HTT: variants seen among roughly 807,000 people sequenced by gnomAD.
The protein encoded by HTT is huntingtin.
A neutral mutation model predicts 362.3 loss-of-function variants in HTT; 104 were observed. The observed-to-expected ratio is 0.29, with a 90% CI of 0.24 to 0.34. HTT has a LOEUF of 0.34. Among genes scored for constraint, HTT ranks in the 10% least tolerant of loss-of-function variants. The pLI, the probability that HTT is intolerant of heterozygous loss-of-function variation, is 1.00. For missense variants in HTT, 3,301 were observed against 3,928.6 expected, an observed-to-expected ratio of 0.84 and a Z score of 4.27; for synonymous variants, 1,577 against 1,548.7, an observed-to-expected ratio of 1.02 and a Z score of -0.43.
chr4:3,198,265 G>T (rs1199566131), intron 40 of HTT, among the ~76,000 whole-genome samples: 1 of 113,606 alleles, frequency 8.8e-6, no homozygotes, highest in African/African-American at 3.5e-5. Flanking sequence ...TCGCTCCATT[G>T]CCCAGGCTAG....
At position 3,095,516 on chromosome 4, in the gene HTT, C is replaced by T. The variant is rs537442266; in HGVS notation, c.348-3758C>T. Among the ~76,000 whole-genome samples the T allele has an allele frequency of 9.2e-5, 14 of 151,906 alleles. No homozygotes were observed. The South Asian group carries it at 1.0e-3, about 11-fold the overall frequency. ...GGCTCGGCATCAGAGGGAGACTGTG[C>T]GAGGGCGAGGGCGAGGGCGAGGGAA... is the stretch of plus-strand genomic sequence containing the variant. On this transcript the variant is annotated intron_variant, in intron 2 of 66. Transcript: ENST00000355072.
intron 40 of HTT, among the ~76,000 whole-genome samples, chr4:3,198,144 T>G (rs1311225354): frequency 6.6e-6 from 1 of 152,078 alleles, no homozygotes; most frequent in Non-Finnish European, 1.5e-5. Flanking sequence ...GTTTAAGGCA[T>G]TGTGGAGCCC....
At chr4:3,085,984 A>G (rs1713189461) in intron 1 of HTT, among the ~76,000 whole-genome samples, 1 of 152,198 alleles carries the variant, frequency 6.6e-6, no homozygotes, top group Admixed American at 6.5e-5. Flanking sequence ...AGAAGCAGTT[A>G]GCCATTGCTT....
intron 2 of HTT, among the ~76,000 whole-genome samples, chr4:3,097,805 A>G (rs776289043): frequency 6.6e-6 from 1 of 152,228 alleles, no homozygotes; most frequent in Non-Finnish European, 1.5e-5. Flanking sequence ...ATTTTATTGA[A>G]TTTAAATGTA....
chr4:3,092,276 C>A (rs1266196415), intron 2 of HTT, among the ~76,000 whole-genome samples: 1 of 152,194 alleles, frequency 6.6e-6, no homozygotes, highest in Non-Finnish European at 1.5e-5. Flanking sequence ...CGCCCCTCGG[C>A]CTCCCAGTGT....
At chr4:3,133,821 C>A (rs1174636803) in intron 18 of HTT, among the ~76,000 whole-genome samples, 1 of 152,174 alleles carries the variant, frequency 6.6e-6, no homozygotes, top group African/African-American at 2.4e-5. Context: ...CTCTAGTTTC[C>A]AGGTTTTCAG....
At chr4:3,110,610 AT>A (rs893367329) in intron 6 of HTT, among the ~76,000 whole-genome samples, 1 of 152,034 alleles carries the variant, frequency 6.6e-6, no homozygotes, top group African/African-American at 2.4e-5. Context: ...TAAAAATGCC[AT>A]TTTTTTTCCT....
chr4:3,095,523 G>A (rs1460431073), intron 2 of HTT, among the ~76,000 whole-genome samples: 1 of 152,252 alleles, frequency 6.6e-6, no homozygotes, highest in Non-Finnish European at 1.5e-5. Context: ...GTGCGAGGGC[G>A]AGGGCGAGGG....
intron 6 of HTT, among the ~76,000 whole-genome samples, chr4:3,107,908 T>C (rs1280054648): frequency 6.6e-6 from 1 of 152,238 alleles, no homozygotes; most frequent in East Asian, 1.9e-4. Context: ...TCACATGCTC[T>C]ACAGATTACA....
chr4:3,138,971 G>A (rs1716212514), intron 21 of HTT, among the ~76,000 whole-genome samples: 1 of 152,110 alleles, frequency 6.6e-6, no homozygotes, highest in African/African-American at 2.4e-5. Flanking sequence ...TTAATGAACA[G>A]AATTTAAGGA....
chr4:3,192,866 G>A (rs770775893), intron 40 of HTT, among the ~76,000 whole-genome samples: 8 of 152,216 alleles, frequency 5.3e-5, no homozygotes, highest in African/African-American at 1.2e-4. Flanking sequence ...GGCGTGGCCC[G>A]CCTCCATGCT....
In HTT at chr4:3,206,992, A is replaced by G; in HGVS notation, c.6075+9A>G. The G allele has an allele frequency of 1.2e-6, 2 of 1,600,970 alleles. No homozygotes were observed. The highest frequency in any genetic ancestry group is 1.7e-6 in the Non-Finnish European group (2 of 1,174,556). ...TGGCTGCAAATTTACAGGTATTGGG[A>G]AGAGAAACCCTGATATTGATTTATA... On this transcript the variant is annotated intron_variant, in intron 44 of 66. Coordinates refer to ENST00000355072, the MANE Select transcript of HTT (RefSeq NM_001388492.1). This position sits in a 1 kb window ranked among gnomAD's most constrained non-coding sequence, Gnocchi z 4.6.
In HTT at chr4:3,223,409, G is replaced by A. The variant is rs770642083; in HGVS notation, c.7474G>A (p.Asp2492Asn). The change falls in exon 55 of 67, where the codon GAC becomes AAC. Residue 2492 changes from aspartate to asparagine, a missense_variant. Transcript: ENST00000355072. ...MEQEESPPEE[D>N]TERTQINVLA... is the part of the protein sequence containing the mutation. The stretch of plus-strand genomic sequence containing the variant: ...GACATGTGGGCTCTCCTTCCAGGAA[G>A]ACACAGAGAGGACCCAGATCAACGT... The A allele has an allele frequency of 1.3e-6, 2 of 1,579,600 alleles. No individual in the cohort carries two copies. The highest frequency in any genetic ancestry group is 2.3e-5 in the South Asian group (2 of 86,914).
At position 3,074,769 on chromosome 4, in the gene HTT, G is replaced by A. The variant is rs1712375010; in HGVS notation, c.-57G>A. ...CCCATTCATTGCCCCGGTGCTGAGCGGCGCCGCGAGTCGGCCCGAGGCCTC... is the reference window on the plus strand; with the variant it reads ...CCCATTCATTGCCCCGGTGCTGAGCAGCGCCGCGAGTCGGCCCGAGGCCTC... On this transcript the variant is annotated 5_prime_UTR_variant, in exon 1 of 67. Transcript: ENST00000355072. 22 of 1,494,168 alleles carry A rather than the reference G, an allele frequency of 1.5e-5. No homozygotes were observed. The highest frequency in any genetic ancestry group is 2.0e-5 in the Non-Finnish European group (22 of 1,126,016). 92.6% of individuals were successfully genotyped at this position (1,494,168 alleles called of 1,614,324 possible). A position where few individuals can be genotyped will look rare whatever the true frequency, so the allele number is the denominator to read the frequency against.
chr4:3,116,922 G>T (rs936585735), intron 8 of HTT, among the ~76,000 whole-genome samples: 1 of 152,184 alleles, frequency 6.6e-6, no homozygotes, highest in African/African-American at 2.4e-5. Flanking sequence ...TTATGTCAGG[G>T]TTTTTATTGT....
At position 3,174,682 on chromosome 4, in the gene HTT, A is replaced by G. The variant is rs376847211; in HGVS notation, c.4167-39A>G. ...AGTGCAGAGGAGATTATTTAAAGAT[A>G]TTCTCATTCTCTGCTTCCCTTTTAT... On this transcript the variant is annotated intron_variant, in intron 31 of 66. Coordinates refer to ENST00000355072, the MANE Select transcript of HTT (RefSeq NM_001388492.1). The G allele has an allele frequency of 4.6e-5, 68 of 1,481,042 alleles. No homozygotes were observed. In the African/African-American group the frequency reaches 8.7e-4, roughly 19 times the overall value. The allele number at this position is 1,481,042 out of a possible 1,614,324, so 91.7% of individuals were successfully genotyped here.
chr4:3,209,615 G>C (rs549996992), intron 46 of HTT, among the ~76,000 whole-genome samples: 24 of 152,278 alleles, frequency 1.6e-4, no homozygotes, highest in African/African-American at 5.5e-4. Flanking sequence ...CCAGGTGAAG[G>C]GGGAGGCTGT....
rs770325842 is a variant in HTT, at chr4:3,081,550, CTTTTTTT to C, written c.264-5370_264-5364del. Reference sequence around the variant, plus strand: ...ATAGGACCACATTTGGAAAGCATTTCTTTTTTTTTTTTTTTTTTTTTTTTTGAGACGG... The same window carrying C: ...ATAGGACCACATTTGGAAAGCATTTCTTTTTTTTTTTTTTTTTTGAGACGG... On this transcript the variant is annotated intron_variant, in intron 1 of 66. Coordinates refer to ENST00000355072, the MANE Select transcript of HTT (RefSeq NM_001388492.1). Among the ~76,000 whole-genome samples, 174 of 84,484 alleles carry C rather than the reference CTTTTTTT, an allele frequency of 2.1e-3. 1 individual carries two copies. Among genetic ancestry groups the C allele is most frequent in the African/African-American group, 6.6e-3 (156 of 23,568 alleles). The allele number at this position is 84,484 out of a possible 152,430, so 55.4% of individuals were successfully genotyped here.
At chr4:3,110,251 A>G (rs548185185) in intron 6 of HTT, among the ~76,000 whole-genome samples, 5 of 152,272 alleles carry the variant, frequency 3.3e-5, no homozygotes, top group African/African-American at 1.2e-4. Flanking sequence ...CGTTACCTCT[A>G]TATCGCTTGC....
Sources: gnomAD v4.1 joint callset for allele counts (sites outside exome capture counted in the v4.1 genomes callset) on GRCh38, gnomAD v4.1.1 for gene constraint, Gnocchi (gnomAD v3.1) non-coding constraint, MANE v1.5 for transcripts, NCBI Gene and HGNC (gene_info 2026-07-23, HGNC 2026-07-21) for gene names.